DNAH2: variants seen among roughly 807,000 people sequenced by gnomAD.
DNAH2 encodes the protein dynein axonemal heavy chain 2.
In DNAH2, 323 loss-of-function variants were observed where a neutral mutation model predicts 523.5. The observed-to-expected ratio is 0.62, with a 90% confidence interval of 0.56 to 0.68. The LOEUF (loss-of-function observed/expected upper bound fraction) is 0.68, where lower values mean the gene tolerates loss of function less well. DNAH2 is among the 30% of genes least tolerant of loss of function. The probability of loss-of-function intolerance (pLI) is 0.00; values close to 1 mark genes in which losing one functional copy is unlikely to be tolerated. For missense variants in DNAH2, 4,907 were observed against 5,701.5 expected (o/e 0.86, Z 4.49); for synonymous variants, 2,093 against 2,177.4 (o/e 0.96, Z 1.08).
intron 77 of DNAH2, among the ~76,000 whole-genome samples, chr17:7,826,604 ATCTC>A (rs2078027753): frequency 2.3e-5 from 3 of 130,986 alleles, no homozygotes; most frequent in Admixed American, 1.9e-4. Context: ...CAGTGGCGCC[ATCTC>A]GGCTCACTGA....
In DNAH2 at chr17:7,774,744, C is replaced by G; in HGVS notation, c.4502-15C>G. On this transcript the variant is annotated splice_polypyrimidine_tract_variant and intron_variant, in intron 28 of 85. Coordinates refer to ENST00000572933, the MANE Select transcript of DNAH2 (RefSeq NM_020877.5). ...TGGAAATGAATCAAATGTCATTCAT[C>G]GCTCTTCTTCCCAGGCCTCCTGGAC... 1 of 1,607,860 alleles carries G rather than the reference C, an allele frequency of 6.2e-7. No individual in the cohort carries two copies.
intron 63 of DNAH2, 119 bp from the exon 64 acceptor site, chr17:7,816,452 A>G: frequency 8.4e-7 from 1 of 1,192,062 alleles, no homozygotes. Flanking sequence ...CTAGGCTCAA[A>G]GAGATTAATT....
Position 7,780,057 on chromosome 17 carries a change from G to A in DNAH2, c.5723-100G>A. On this transcript the variant is annotated intron_variant, in intron 36 of 85. Coordinates refer to ENST00000572933, the MANE Select transcript of DNAH2 (RefSeq NM_020877.5). The surrounding 1 kb of genome is among the most constrained non-coding windows in gnomAD (Gnocchi z 4.4). ...AGTTGGAGAGAAAGTTAGGGATGGA[G>A]TTAGGGTGGGAGAAAATGAGACTGA... 1 of 1,477,972 alleles carries A rather than the reference G, an allele frequency of 6.8e-7. No homozygotes were observed. Among genetic ancestry groups the A allele is most frequent in the Non-Finnish European group, 9.2e-7 (1 of 1,088,426 alleles). 91.6% of individuals were successfully genotyped at this position (1,477,972 alleles called of 1,614,324 possible). A position where few individuals can be genotyped will look rare whatever the true frequency, so the allele number is the denominator to read the frequency against.
At position 7,788,127 on chromosome 17, in the gene DNAH2, C is replaced by T. The variant is rs769743009; in HGVS notation, c.6783C>T (p.Ile2261=). The T allele has an allele frequency of 1.9e-6, 3 of 1,614,218 alleles. No homozygotes were observed. In the East Asian group the frequency reaches 6.7e-5, roughly 36 times the overall value. Residue 2261 remains isoleucine, a synonymous_variant, in exon 44 of 86, where the codon ATC becomes ATT. Transcript: ENST00000572933. ...TTCAACGCATGTTCGAAAAGCTCAT[C>T]AACAAGATGCTGGCCTTTAAGAAGG... is the stretch of plus-strand genomic sequence containing the variant. ...EPLQRMFEKL[I]NKMLAFKKDN... is the part of the protein sequence containing the mutation.
In DNAH2 at chr17:7,824,174, T is replaced by C. The variant is rs1402420733; in HGVS notation, c.11532T>C (p.Gly3844=). The C allele has an allele frequency of 2.2e-5, 35 of 1,601,050 alleles. No individual in the cohort carries two copies. The highest frequency in any genetic ancestry group is 2.9e-5 in the Non-Finnish European group (34 of 1,175,886). The change falls in exon 76 of 86, where the codon GGT becomes GGC. Residue 3844 remains glycine, a synonymous_variant. Coordinates refer to ENST00000572933, the MANE Select transcript of DNAH2 (RefSeq NM_020877.5). ...RSPLVFILSP[G]VDPTSALLQL... is the part of the protein sequence containing the mutation. ...CACTCGTGTTCATCCTGTCCCCTGGTGTGGACCCCACCAGTGCCCTGCTGC... is the reference window on the plus strand; with the variant it reads ...CACTCGTGTTCATCCTGTCCCCTGGCGTGGACCCCACCAGTGCCCTGCTGC...
intron 58 of DNAH2, 28 bp downstream of exon 58, chr17:7,802,045 G>A (rs955824137): frequency 1.2e-6 from 2 of 1,612,722 alleles, no homozygotes; most frequent in African/African-American, 2.7e-5. Context: ...GGATGTGCAG[G>A]GCCAGGGAGG....
chr17:7,832,768 C>T lies in DNAH2; in HGVS notation c.12903+13C>T, dbSNP rs748701240. 79 of 1,613,954 alleles carry T rather than the reference C, an allele frequency of 4.9e-5. No individual in the cohort carries two copies. The highest frequency in any genetic ancestry group is 1.6e-4 in the Middle Eastern group (1 of 6,084). ...TCGCCAAAACAACGTGAGCAATGTGCAAAGTGTGAGGGGGGGATGTATGCT... is the reference window on the plus strand; with the variant it reads ...TCGCCAAAACAACGTGAGCAATGTGTAAAGTGTGAGGGGGGGATGTATGCT... On this transcript the variant is annotated intron_variant, in intron 83 of 85. Transcript: ENST00000572933. The surrounding 1 kb of genome is among the most constrained non-coding windows in gnomAD (Gnocchi z 4.3).
intron 58 of DNAH2, 75 bp from the exon 59 acceptor site, chr17:7,804,181 G>C: frequency 6.8e-7 from 1 of 1,477,034 alleles, no homozygotes; most frequent in Non-Finnish European, 9.3e-7. Context: ...GACACACGGG[G>C]AAGGTGGACC....
Position 7,826,535 on chromosome 17 carries a change from CT to C in DNAH2, c.11853+1830del, listed in dbSNP as rs35943055. Among the ~76,000 whole-genome samples, 1,003 of 111,242 alleles carry C rather than the reference CT, an allele frequency of 9.0e-3. 2 individuals are homozygous for C. Among genetic ancestry groups the C allele is most frequent in the African/African-American group, 0.028 (841 of 29,856 alleles). The allele number at this position is 111,242 out of a possible 152,430, so 73.0% of individuals were successfully genotyped here. On this transcript the variant is annotated intron_variant, in intron 77 of 85. Transcript: ENST00000572933. ...CCTTGAATATCTGTGTGCCCATCAT[CT>C]TTTTTTTTTTTTTTTTTTTTTGAGA... is the stretch of plus-strand genomic sequence containing the variant.
chr17:7,775,037 A>G, intron 29 of DNAH2, 61 bp downstream of exon 29: 1 of 1,554,288 alleles, frequency 6.4e-7, no homozygotes, highest in South Asian at 1.1e-5. Flanking sequence ...GGGGTATGAA[A>G]AGCTTTGGAG....
chr17:7,819,058 C>T lies in DNAH2; in HGVS notation c.10810C>T (p.Arg3604Trp), dbSNP rs202094383. 1.9e-4 allele frequency: 310 copies of T among 1,604,422 alleles called. 1 individual carries two copies. The highest frequency in any genetic ancestry group is 2.3e-4 in the Non-Finnish European group (272 of 1,178,732). ...CACAGAGATCAACACTGACTTGGCGCGGGAGGTAAGCTCCCGGCCCTCCAG... is the reference window on the plus strand; with the variant it reads ...CACAGAGATCAACACTGACTTGGCGTGGGAGGTAAGCTCCCGGCCCTCCAG... ...ETTEINTDLA[R>W]EAYRPCAQRA... Residue 3604 changes from arginine (R) to tryptophan (W), a missense_variant, in exon 71 of 86, where the codon CGG (arginine) becomes TGG (tryptophan). This residue lies in a region of DNAH2 where 1,851 missense variants were observed against 2,139.4 expected (regional missense o/e 0.87). Coordinates refer to ENST00000572933, the MANE Select transcript of DNAH2 (RefSeq NM_020877.5).
At chr17:7,781,983 AAATATAAT>A (rs1465639303) in intron 39 of DNAH2, among the ~76,000 whole-genome samples, 2 of 152,208 alleles carry the variant, frequency 1.3e-5, no homozygotes, top group African/African-American at 4.8e-5. Context: ...TGATGGATAA[AAATATAAT>A]AATAACATCC....
rs1243291269 is a variant in DNAH2, at chr17:7,831,192, C to T, written c.12337C>T (p.Gln4113Ter). 5 of 1,614,178 alleles carry T rather than the reference C, an allele frequency of 3.1e-6. No homozygotes were observed. The highest frequency in any genetic ancestry group is 1.3e-5 in the African/African-American group (1 of 75,018). Reference sequence around the variant, plus strand: ...CATGGACCCCCCTGAGGCCTTTGGCCAGCACCCCAATGCTGATGTGGCCTC... The same window carrying T: ...CATGGACCCCCCTGAGGCCTTTGGCTAGCACCCCAATGCTGATGTGGCCTC... ...PGMDPPEAFG[Q>*]HPNADVASQI... The change falls in exon 80 of 86, where the codon CAG becomes TAG. Residue 4113 changes from glutamine to a stop codon, truncating the protein, a stop_gained. Transcript: ENST00000572933. LOFTEE classifies it high-confidence loss of function. This position sits in a 1 kb window ranked among gnomAD's most constrained non-coding sequence, Gnocchi z 4.2.
chr17:7,805,295 C>T lies in DNAH2; in HGVS notation c.9344C>T (p.Ser3115Phe). ...AAGAAGGATATAGGAGAGATCAAGT[C>T]TTATGGACGGCCCCCAGCCCAAGTG... ...LNKKDIGEIK[S>F]YGRPPAQVEI... The change falls in exon 61 of 86, where the codon TCT becomes TTT. Residue 3115 changes from serine (S) to phenylalanine (F), a missense_variant. Ser to Phe is a radical substitution (Grantham distance 155). Coordinates refer to ENST00000572933, the MANE Select transcript of DNAH2 (RefSeq NM_020877.5). The T allele has an allele frequency of 6.2e-7, 1 of 1,614,242 alleles. No homozygotes were observed. The highest frequency in any genetic ancestry group is 8.5e-7 in the Non-Finnish European group (1 of 1,180,050).
chr17:7,773,023 C>G (rs1181120099), intron 28 of DNAH2, among the ~76,000 whole-genome samples: 1 of 152,172 alleles, frequency 6.6e-6, no homozygotes, highest in African/African-American at 2.4e-5. Context: ...ATCCACCCAC[C>G]TCGGCCTCCC....
chr17:7,728,061 A>C (rs1881746229), intron 4 of DNAH2, among the ~76,000 whole-genome samples: 1 of 152,178 alleles, frequency 6.6e-6, no homozygotes, highest in Admixed American at 6.6e-5. Context: ...CAGCTTATGA[A>C]GGGCCTTGTA....
chr17:7,724,370 C>G (rs116836803), intron 3 of DNAH2, among the ~76,000 whole-genome samples: 3 of 152,014 alleles, frequency 2.0e-5, no homozygotes, highest in Non-Finnish European at 2.9e-5. Context: ...CCTGTAATCC[C>G]GCACTTTAGG....
chr17:7,754,747 C>T lies in DNAH2; in HGVS notation c.1905-2344C>T. 1 of 982,066 alleles carries T rather than the reference C, an allele frequency of 1.0e-6. No individual in the cohort carries two copies. The allele number at this position is 982,066 out of a possible 1,614,324, so 60.8% of individuals were successfully genotyped here. ...GCCAAGGGGCTCAGGCTGTGCCGGC[C>T]CAAGGCCAAGGCCAAGGATCAAACC... On this transcript the variant is annotated intron_variant, in intron 12 of 85. Coordinates refer to ENST00000572933, the MANE Select transcript of DNAH2 (RefSeq NM_020877.5). This position sits in a 1 kb window ranked among gnomAD's most constrained non-coding sequence, Gnocchi z 4.6.
chr17:7,788,735 A>G (rs1381797402), intron 44 of DNAH2, among the ~76,000 whole-genome samples: 1 of 152,232 alleles, frequency 6.6e-6, no homozygotes, highest in Non-Finnish European at 1.5e-5. Flanking sequence ...TCTTCTGTTG[A>G]GATTAAATCA....
Sources: allele counts gnomAD v4.1 joint callset (sites outside exome capture counted in the v4.1 genomes callset), GRCh38; gene constraint gnomAD v4.1.1; regional missense constraint gnomAD v4.1.1; non-coding constraint Gnocchi (gnomAD v3.1); transcripts MANE v1.5; gene names NCBI Gene and HGNC (gene_info 2026-07-23, HGNC 2026-07-21).